GRIN2B: variants seen among roughly 807,000 people sequenced by gnomAD.
GRIN2B encodes the protein glutamate receptor ionotropic, NMDA 2B.
Under a neutral mutation model 114.5 loss-of-function variants are expected in GRIN2B, and 5 were observed. The observed-to-expected ratio is 0.04, with a 90% confidence interval of 0.02 to 0.09. GRIN2B has a LOEUF of 0.09. GRIN2B is among the 10% of genes least tolerant of loss of function. GRIN2B has a pLI of 1.00. For missense variants in GRIN2B, 1,108 were observed against 1,943.5 expected (o/e 0.57, Z 8.08); for synonymous variants, 787 against 745.1 (o/e 1.06, Z -0.92).
intron 4 of GRIN2B, among the ~76,000 whole-genome samples, chr12:13,752,167 A>T (rs1176666319): frequency 2.0e-5 from 3 of 152,222 alleles, no homozygotes; most frequent in Non-Finnish European, 2.9e-5. Flanking sequence ...GTTTTTTAAC[A>T]TCCCAAGTAC....
At chr12:13,843,559 C>A (rs755544974) in intron 3 of GRIN2B, among the ~76,000 whole-genome samples, 1 of 151,986 alleles carries the variant, frequency 6.6e-6, no homozygotes, top group African/African-American at 2.4e-5. Context: ...CTTTTAGGAG[C>A]GTAGGTAAGC....
chr12:13,732,659 A>C (rs554320217), intron 4 of GRIN2B, among the ~76,000 whole-genome samples: 1 of 152,338 alleles, frequency 6.6e-6, no homozygotes, highest in South Asian at 2.1e-4. Flanking sequence ...GACTAAACTC[A>C]ACTTCTTAAG....
intron 10 of GRIN2B, among the ~76,000 whole-genome samples, chr12:13,580,374 T>C (rs544619671): frequency 6.6e-6 from 1 of 152,302 alleles, no homozygotes; most frequent in East Asian, 1.9e-4. Context: ...GAGGCGGATA[T>C]TGCACATCCT....
chr12:13,652,680 C>T (rs1032512068), intron 5 of GRIN2B, among the ~76,000 whole-genome samples: 2 of 152,112 alleles, frequency 1.3e-5, no homozygotes, highest in Non-Finnish European at 2.9e-5. Context: ...CTCCAATCAC[C>T]AATGTCTCTT....
intron 2 of GRIN2B, among the ~76,000 whole-genome samples, chr12:13,890,006 C>T (rs185127507): frequency 5.9e-5 from 9 of 152,262 alleles, no homozygotes; most frequent in African/African-American, 1.7e-4. Flanking sequence ...TAGTGAGGAT[C>T]GAAACTGTCT....
chr12:13,848,638 G>A (rs1435354511), intron 3 of GRIN2B, among the ~76,000 whole-genome samples: 1 of 152,116 alleles, frequency 6.6e-6, no homozygotes, highest in Non-Finnish European at 1.5e-5. Context: ...AGTTCCAGAA[G>A]CACACAAAAA....
At chr12:13,601,201 A>G (rs537848465) in intron 10 of GRIN2B, among the ~76,000 whole-genome samples, 3 of 152,350 alleles carry the variant, frequency 2.0e-5, no homozygotes, top group African/African-American at 7.2e-5. Context: ...ACAGAAGCTT[A>G]TTCTCACATA....
chr12:13,957,589 G>A (rs190713364), intron 2 of GRIN2B, among the ~76,000 whole-genome samples: 47 of 152,250 alleles, frequency 3.1e-4, no homozygotes, highest in African/African-American at 1.1e-3. Flanking sequence ...TCTCCTGTGG[G>A]AAGAGGCGAG....
intron 3 of GRIN2B, among the ~76,000 whole-genome samples, chr12:13,847,021 C>T (rs1261111590): frequency 1.3e-5 from 2 of 152,076 alleles, no homozygotes; most frequent in Non-Finnish European, 2.9e-5. Context: ...TATTGCAAAG[C>T]TAAGGAAACT....
intron 3 of GRIN2B, among the ~76,000 whole-genome samples, chr12:13,863,265 CT>C (rs748285990): frequency 9.9e-5 from 15 of 152,158 alleles, no homozygotes; most frequent in Non-Finnish European, 2.2e-4. Flanking sequence ...ATTTCATACC[CT>C]TGTTATGTTC....
chr12:13,822,378 T>C (rs1591751407), intron 3 of GRIN2B, among the ~76,000 whole-genome samples: 1 of 152,140 alleles, frequency 6.6e-6, no homozygotes, highest in Non-Finnish European at 1.5e-5. Context: ...ACATTGTATG[T>C]AGCTGTGAGG....
In GRIN2B at chr12:13,932,986, T is replaced by TGTGTGTGTGTGTGC. The variant is rs61241187; in HGVS notation, c.-19+46941_-19+46942insGCACACACACACAC. Among the ~76,000 whole-genome samples, 517 of 148,386 alleles carry TGTGTGTGTGTGTGC rather than the reference T, an allele frequency of 3.5e-3. 1 individual carries two copies. Among genetic ancestry groups the TGTGTGTGTGTGTGC allele is most frequent in the Middle Eastern group, 0.014 (4 of 288 alleles). ...GTGTGTGTGTGTGTGTGTGTGTGTG[T>TGTGTGTGTGTGTGC]GCGTGTGCGTGTGTGTGTGTTTGTG... is the stretch of plus-strand genomic sequence containing the variant. On this transcript the variant is annotated intron_variant, in intron 2 of 13. Coordinates refer to ENST00000609686, the MANE Select transcript of GRIN2B (RefSeq NM_000834.5).
chr12:13,839,120 G>C (rs1223950694), intron 3 of GRIN2B, among the ~76,000 whole-genome samples: 2 of 152,230 alleles, frequency 1.3e-5, no homozygotes, highest in African/African-American at 4.8e-5. Context: ...CTGAGGTTAA[G>C]TCAGCTCTGG....
intron 10 of GRIN2B, among the ~76,000 whole-genome samples, chr12:13,608,307 C>T (rs896060709): frequency 3.9e-5 from 6 of 152,132 alleles, no homozygotes; most frequent in Admixed American, 3.9e-4. Flanking sequence ...GCAGATAGGC[C>T]ACCCAACCAC....
At chr12:13,940,723 A>G (rs1317441536) in intron 2 of GRIN2B, among the ~76,000 whole-genome samples, 3 of 148,878 alleles carry the variant, frequency 2.0e-5, no homozygotes, top group Non-Finnish European at 4.4e-5. Flanking sequence ...TGGCTGGTAG[A>G]AAAAAAGGGA....
At chr12:13,662,812 G>A (rs1949937295) in intron 5 of GRIN2B, among the ~76,000 whole-genome samples, 1 of 152,012 alleles carries the variant, frequency 6.6e-6, no homozygotes, top group African/African-American at 2.4e-5. Flanking sequence ...TTTCTTACTG[G>A]GCTACTGGCT....
chr12:13,750,125 G>A (rs1315893858), intron 4 of GRIN2B, among the ~76,000 whole-genome samples: 5 of 152,160 alleles, frequency 3.3e-5, no homozygotes, highest in African/African-American at 1.2e-4. Context: ...GAAATCAAGT[G>A]AAGCTGGACT....
In GRIN2B at chr12:13,567,026, C is replaced by G. The variant is rs766394505; in HGVS notation, c.2597G>C (p.Arg866Thr). 1 of 1,604,430 alleles carries G rather than the reference C, an allele frequency of 6.2e-7. No individual in the cohort carries two copies. Among genetic ancestry groups the G allele is most frequent in the Non-Finnish European group, 8.5e-7 (1 of 1,171,150 alleles). Residue 866 changes from arginine (R) to threonine (T), a missense_variant and splice_region_variant, in exon 13 of 14, where the codon AGA (arginine) becomes ACA (threonine). Arg to Thr is a moderately conservative substitution (Grantham distance 71). Coordinates refer to ENST00000609686, the MANE Select transcript of GRIN2B (RefSeq NM_000834.5). ...AGGCATTTAAATCAAAACACTTACT[C>G]TGCTGATGGAGAAGACCATGCCAGG... ...GKPGMVFSIS[R>T]GIYSCIHGVA...
intron 10 of GRIN2B, among the ~76,000 whole-genome samples, chr12:13,590,015 TATTA>T (rs1948984737): frequency 6.6e-6 from 1 of 152,136 alleles, no homozygotes; most frequent in African/African-American, 2.4e-5. Context: ...TCAAAATGGG[TATTA>T]ATTAAAAACT....
Sources: gnomAD v4.1 joint callset for allele counts (sites outside exome capture counted in the v4.1 genomes callset) on GRCh38, gnomAD v4.1.1 for gene constraint, MANE v1.5 for transcripts, NCBI Gene and HGNC (gene_info 2026-07-23, HGNC 2026-07-21) for gene names.